Variants in KLHDC10 observed in about 807,000 individuals in gnomAD.
The protein encoded by KLHDC10 is kelch domain containing 10.
KLHDC10 carries 24 observed loss-of-function variants against 56.1 expected under a neutral mutation model. The ratio of observed to expected loss-of-function variants is 0.43; its 90% CI spans 0.31 to 0.60. The LOEUF (loss-of-function observed/expected upper bound fraction) is 0.60. Among genes scored for constraint, KLHDC10 ranks in the 20% least tolerant of loss-of-function variants. The probability of loss-of-function intolerance (pLI) is 0.11; values close to 1 mark genes in which losing one functional copy is unlikely to be tolerated. For missense variants in KLHDC10, 349 were observed against 567.0 expected (o/e 0.62, Z 3.91); for synonymous variants, 188 against 207.1 (o/e 0.91, Z 0.79).
chr7:130,084,562 G>C (rs1026141432), intron 1 of KLHDC10, among the ~76,000 whole-genome samples: 2 of 152,080 alleles, frequency 1.3e-5, no homozygotes, highest in Non-Finnish European at 2.9e-5. Context: ...TGAATCACTT[G>C]AGGTCAGGAG....
intron 1 of KLHDC10, among the ~76,000 whole-genome samples, chr7:130,071,338 G>C (rs186360458): frequency 1.8e-4 from 28 of 152,248 alleles, no homozygotes; most frequent in Middle Eastern, 3.4e-3. Context: ...TAGAGGATTA[G>C]GGAAAACTAG....
At chr7:130,104,714 G>C (rs768109425) in intron 2 of KLHDC10, among the ~76,000 whole-genome samples, 4 of 152,222 alleles carry the variant, frequency 2.6e-5, no homozygotes, top group Non-Finnish European at 5.9e-5. Flanking sequence ...CAGAGTGGGA[G>C]CAGGTGTCTT....
intron 1 of KLHDC10, among the ~76,000 whole-genome samples, chr7:130,076,370 T>G (rs887649369): frequency 2.0e-5 from 3 of 152,178 alleles, no homozygotes; most frequent in Admixed American, 2.0e-4. Context: ...TCTTAGCCAT[T>G]GACACGTTGC....
At chr7:130,118,637 A>G (rs1796204316) in intron 3 of KLHDC10, among the ~76,000 whole-genome samples, 1 of 152,240 alleles carries the variant, frequency 6.6e-6, no homozygotes, top group South Asian at 2.1e-4. Context: ...TGCTTTCCAC[A>G]TGCCTTCCTC....
At chr7:130,128,919 T>TATATATACAC (rs1292651924) in intron 8 of KLHDC10, among the ~76,000 whole-genome samples, 11 of 115,702 alleles carry the variant, frequency 9.5e-5, no homozygotes, top group African/African-American at 3.5e-4. Flanking sequence ...TATATATATA[T>TATATATACAC]ACATACTAGC....
At position 130,112,333 on chromosome 7, in the gene KLHDC10, G is replaced by A. The variant is rs1017382788; in HGVS notation, c.254-4112G>A. On this transcript the variant is annotated intron_variant, in intron 2 of 9. Coordinates refer to ENST00000335420, the MANE Select transcript of KLHDC10 (RefSeq NM_014997.4). ...GCAAGTCCTTGTGACATGGAAGAGA[G>A]GATGGGTCCCACATCACAGGGACAT... 2.0e-5 allele frequency among the ~76,000 whole-genome samples: 3 copies of A among 152,280 alleles called. No individual in the cohort carries two copies. The East Asian group carries it at 5.8e-4, about 29-fold the overall frequency.
intron 2 of KLHDC10, among the ~76,000 whole-genome samples, chr7:130,115,706 C>T (rs1796157555): frequency 1.2e-5 from 1 of 80,730 alleles, no homozygotes; most frequent in African/African-American, 5.5e-5. Context: ...CAGAGTGAGA[C>T]TTGGTCTCAA....
intron 4 of KLHDC10, among the ~76,000 whole-genome samples, 189 bp from the exon 5 acceptor site, chr7:130,121,865 A>G (rs1445810772): frequency 1.3e-5 from 2 of 152,206 alleles, no homozygotes; most frequent in Non-Finnish European, 1.5e-5. Context: ...ACCTTTCTAA[A>G]GGTGTTTTCC....
At chr7:130,096,018 A>AT (rs1795843396) in intron 1 of KLHDC10, among the ~76,000 whole-genome samples, 1 of 152,166 alleles carries the variant, frequency 6.6e-6, no homozygotes, top group Non-Finnish European at 1.5e-5. Context: ...AGCAGGAATC[A>AT]TGTCCTTGTT....
intron 4 of KLHDC10, 100 bp downstream of exon 4, chr7:130,121,003 G>T: frequency 8.3e-7 from 1 of 1,208,172 alleles, no homozygotes; most frequent in Non-Finnish European, 1.2e-6. Context: ...TTTTAATGGA[G>T]AAGAGTTCTT....
At chr7:130,095,515 A>G (rs1170257506) in intron 1 of KLHDC10, among the ~76,000 whole-genome samples, 1 of 152,184 alleles carries the variant, frequency 6.6e-6, no homozygotes, top group Non-Finnish European at 1.5e-5. Context: ...CCAGCATTTG[A>G]GAATCATTGA....
chr7:130,075,170 A>AGC (rs972974855), intron 1 of KLHDC10, among the ~76,000 whole-genome samples: 2 of 152,146 alleles, frequency 1.3e-5, no homozygotes, highest in Non-Finnish European at 2.9e-5. Flanking sequence ...AGAGCTCAGG[A>AGC]GCGCGGGGTT....
chr7:130,080,344 T>C (rs1009089798), intron 1 of KLHDC10, among the ~76,000 whole-genome samples: 3 of 152,162 alleles, frequency 2.0e-5, no homozygotes, highest in Non-Finnish European at 4.4e-5. Flanking sequence ...CCTCCTCTTT[T>C]TTAGGGGGTA....
At chr7:130,090,505 C>T (rs1795756061) in intron 1 of KLHDC10, among the ~76,000 whole-genome samples, 2 of 151,632 alleles carry the variant, frequency 1.3e-5, no homozygotes, top group Admixed American at 1.3e-4. Flanking sequence ...GGAGGATCGC[C>T]TGAGCCCACG....
At chr7:130,078,472 G>C (rs1028237583) in intron 1 of KLHDC10, among the ~76,000 whole-genome samples, 6 of 152,156 alleles carry the variant, frequency 3.9e-5, no homozygotes, top group African/African-American at 7.2e-5. Context: ...TGATCATTCT[G>C]TCTTGGCCTC....
intron 2 of KLHDC10, among the ~76,000 whole-genome samples, chr7:130,115,178 G>A (rs1451528094): frequency 2.0e-5 from 3 of 152,170 alleles, no homozygotes; most frequent in African/African-American, 7.2e-5. Flanking sequence ...GGTGTCTAGC[G>A]TTGTCCTAAA....
At chr7:130,123,548 C>T (rs1458242112) in intron 5 of KLHDC10, among the ~76,000 whole-genome samples, 1 of 151,442 alleles carries the variant, frequency 6.6e-6, no homozygotes, top group Non-Finnish European at 1.5e-5. Flanking sequence ...AAAGCAAAGA[C>T]AGTAAACCAT....
intron 1 of KLHDC10, 112 bp downstream of exon 1, chr7:130,070,921 A>G (rs541123008): frequency 6.0e-6 from 4 of 671,482 alleles, no homozygotes; most frequent in Admixed American, 3.9e-5. Context: ...GGCCCCACGC[A>G]TAGCAGAGGG....
chr7:130,130,377 A>G lies in KLHDC10; in HGVS notation c.1120-160A>G, dbSNP rs1176704663. Among the ~76,000 whole-genome samples the G allele has an allele frequency of 2.0e-5, 3 of 148,564 alleles. No individual in the cohort carries two copies. The highest frequency in any genetic ancestry group is 6.7e-5 in the Admixed American group (1 of 14,960). On this transcript the variant is annotated intron_variant, in intron 9 of 9. Coordinates refer to ENST00000335420, the MANE Select transcript of KLHDC10 (RefSeq NM_014997.4). This position sits in a 1 kb window ranked among gnomAD's most constrained non-coding sequence, Gnocchi z 4.2. The stretch of plus-strand genomic sequence containing the variant: ...ATAGTTTTTCCCTTAGTAATTCATT[A>G]ATTATTTAAACCCTCTTGATCTCCA...
Sources: gnomAD v4.1 joint callset for allele counts (sites outside exome capture counted in the v4.1 genomes callset) on GRCh38, gnomAD v4.1.1 for gene constraint, Gnocchi (gnomAD v3.1) non-coding constraint, MANE v1.5 for transcripts, NCBI Gene and HGNC (gene_info 2026-07-23, HGNC 2026-07-21) for gene names.